The following MYO16 variants were observed in gnomAD, a reference collection of about 807,000 sequenced individuals.
The protein encoded by MYO16 is unconventional myosin-XVI.
MYO16 carries 94 observed loss-of-function variants against 205.3 expected under a neutral mutation model. That is an observed-to-expected ratio of 0.46 (90% CI 0.39 to 0.54). The LOEUF (loss-of-function observed/expected upper bound fraction) is 0.54, where lower values mean the gene tolerates loss of function less well. Among genes scored for constraint, MYO16 ranks in the 20% least tolerant of loss-of-function variants. The pLI is 0.00. For synonymous variants in MYO16, 988 were observed against 954.0 expected (o/e 1.04, Z -0.66); for missense variants, 2,315 against 2,387.5 (o/e 0.97, Z 0.63).
chr13:108,537,803 T>G, the MYO16 span, among the ~76,000 whole-genome samples: 1 of 152,220 alleles, frequency 6.6e-6, no homozygotes, highest in African/African-American at 2.4e-5. Context: ...CTTGTATGTC[T>G]TTTTTTGAGA....
chr13:109,036,361 G>A (rs1466401734), intron 23 of MYO16, among the ~76,000 whole-genome samples: 5 of 152,170 alleles, frequency 3.3e-5, no homozygotes, highest in African/African-American at 4.8e-5. Context: ...TCTTTGTGGA[G>A]CCAGGAAACT....
intron 32 of MYO16, among the ~76,000 whole-genome samples, chr13:109,154,590 C>T (rs916840167): frequency 6.6e-6 from 1 of 152,052 alleles, no homozygotes; most frequent in Non-Finnish European, 1.5e-5. Flanking sequence ...GCACCACTAG[C>T]TTACCATCCA....
At chr13:108,688,655 G>A (rs896648471) in intron 2 of MYO16, among the ~76,000 whole-genome samples, 4 of 152,110 alleles carry the variant, frequency 2.6e-5, no homozygotes, top group African/African-American at 9.7e-5. Flanking sequence ...GTTAATTTAG[G>A]CAGAAAACAG....
At chr13:108,572,267 T>C in the MYO16 span, among the ~76,000 whole-genome samples, 3 of 152,156 alleles carry the variant, frequency 2.0e-5, no homozygotes, top group Non-Finnish European at 4.4e-5. Flanking sequence ...AATGCTGGCA[T>C]TGAGCTTTAC....
the MYO16 span, among the ~76,000 whole-genome samples, chr13:108,585,059 G>A: frequency 6.6e-6 from 1 of 152,230 alleles, no homozygotes; most frequent in East Asian, 1.9e-4. Flanking sequence ...GATATTCTAA[G>A]TACTATCATT....
intron 4 of MYO16, among the ~76,000 whole-genome samples, chr13:108,751,061 TCA>T (rs35604385): frequency 0.044 from 6,638 of 149,818 alleles, 395 homozygotes; most frequent in African/African-American, 0.14. Flanking sequence ...ATATGTGTGT[TCA>T]CACACACACA....
At chr13:108,978,130 G>A (rs528228696) in intron 20 of MYO16, among the ~76,000 whole-genome samples, 5 of 151,662 alleles carry the variant, frequency 3.3e-5, no homozygotes, top group South Asian at 2.1e-4. Flanking sequence ...TGAACCTTGA[G>A]TTTCTTATGT....
chr13:108,823,024 A>T, intron 8 of MYO16, 101 bp from the exon 9 acceptor site: 1 of 1,158,362 alleles, frequency 8.6e-7, no homozygotes, highest in Non-Finnish European at 1.2e-6. Context: ...ACATTGATAA[A>T]TTTTTAGCAT....
At chr13:108,992,281 TA>T in intron 20 of MYO16, 94 bp from the exon 21 acceptor site, 1 of 785,816 alleles carries the variant, frequency 1.3e-6, no homozygotes, top group Non-Finnish European at 2.0e-6. Context: ...AGCAATGTGC[TA>T]AGTGGCTGGA....
chr13:108,880,949 T>C (rs1250580568), intron 12 of MYO16, among the ~76,000 whole-genome samples: 1 of 152,170 alleles, frequency 6.6e-6, no homozygotes, highest in East Asian at 1.9e-4. Flanking sequence ...TAAATTACCT[T>C]GGGCATGGAG....
chr13:109,078,953 C>T (rs34162623), intron 27 of MYO16, among the ~76,000 whole-genome samples: 12,849 of 152,160 alleles, frequency 0.084, 591 homozygotes, highest in African/African-American at 0.11. Context: ...TTCATATGCA[C>T]GTACTGATCT....
At chr13:108,636,369 T>G (rs9301308) in intron 1 of MYO16, among the ~76,000 whole-genome samples, 42,358 of 52,562 alleles carry the variant, frequency 0.81, 17,227 homozygotes, top group Non-Finnish European at 0.86. Context: ...TTTTTTTTTT[T>G]TGTGTGTGTG....
intron 21 of MYO16, among the ~76,000 whole-genome samples, chr13:109,000,871 A>G (rs1885188922): frequency 6.6e-6 from 1 of 152,134 alleles, no homozygotes; most frequent in African/African-American, 2.4e-5. Context: ...TGTAGTCGAT[A>G]GACTCCTTTT....
intron 20 of MYO16, among the ~76,000 whole-genome samples, chr13:108,986,018 G>A (rs927406238): frequency 5.9e-5 from 9 of 152,306 alleles, no homozygotes; most frequent in East Asian, 1.9e-4. Flanking sequence ...GGCAGAAGGC[G>A]AAGGAGGAGC....
At chr13:109,050,763 G>T (rs1016473744) in intron 24 of MYO16, among the ~76,000 whole-genome samples, 1 of 151,918 alleles carries the variant, frequency 6.6e-6, no homozygotes. Flanking sequence ...AATGAATAAT[G>T]ATTAATTACT....
intron 20 of MYO16, among the ~76,000 whole-genome samples, chr13:108,972,249 C>CTCTATATATATATATA (rs1178345437): frequency 7.0e-4 from 2 of 2,852 alleles, no homozygotes; most frequent in Non-Finnish European, 1.2e-3. Flanking sequence ...CTCTCTCTCT[C>CTCTATATATATATATA]TATATATATA....
At chr13:108,664,501 A>G (rs982034567) in intron 1 of MYO16, among the ~76,000 whole-genome samples, 1 of 152,226 alleles carries the variant, frequency 6.6e-6, no homozygotes, top group East Asian at 1.9e-4. Context: ...TGTCACAAGA[A>G]ACAGAAGTGG....
chr13:109,114,508 A>G (rs1875575067), intron 28 of MYO16, among the ~76,000 whole-genome samples: 1 of 152,186 alleles, frequency 6.6e-6, no homozygotes, highest in Non-Finnish European at 1.5e-5. Context: ...TGAAAACTGA[A>G]GAGGTTGATC....
the MYO16 span, among the ~76,000 whole-genome samples, chr13:108,579,861 C>T: frequency 6.6e-6 from 1 of 152,112 alleles, no homozygotes; most frequent in Non-Finnish European, 1.5e-5. Context: ...ATGCATATAG[C>T]TGGCCACTTC....
Sources: gnomAD v4.1 joint callset for allele counts (sites outside exome capture counted in the v4.1 genomes callset) on GRCh38, gnomAD v4.1.1 for gene constraint, MANE v1.5 for transcripts, NCBI Gene and HGNC (gene_info 2026-07-23, HGNC 2026-07-21) for gene names.